CAMSAP1: variants seen among roughly 807,000 people sequenced by gnomAD.
CAMSAP1 encodes calmodulin-regulated spectrin-associated protein 1.
Under a neutral mutation model 143.5 loss-of-function variants are expected in CAMSAP1, and 58 were observed. That is an observed-to-expected ratio of 0.40 (90% confidence interval 0.33 to 0.50). The LOEUF (loss-of-function observed/expected upper bound fraction) is 0.50, where lower values mean the gene tolerates loss of function less well. Ranked by LOEUF, CAMSAP1 falls within the 20% of genes least tolerant of loss-of-function variation. The probability of loss-of-function intolerance (pLI) is 0.45; values close to 1 mark genes in which losing one functional copy is unlikely to be tolerated. For synonymous variants in CAMSAP1, 945 were observed against 859.3 expected (o/e 1.10, Z -1.74); for missense variants, 1,969 against 2,115.7 (o/e 0.93, Z 1.36).
In CAMSAP1 at chr9:135,898,598, G is replaced by A. The variant is rs572718809; in HGVS notation, c.160+8402C>T. Among the ~76,000 whole-genome samples the A allele has an allele frequency of 1.6e-4, 25 of 152,140 alleles. No homozygotes were observed. In the East Asian group the frequency reaches 3.1e-3, roughly 19 times the overall value. On this transcript the variant is annotated intron_variant, in intron 1 of 16. Transcript: ENST00000389532. ...AGATACTTCATAGAAAAAGGTACTCGAATGGCCAATAAGCATATAAAAATG... is the reference window on the plus strand; with the variant it reads ...AGATACTTCATAGAAAAAGGTACTCAAATGGCCAATAAGCATATAAAAATG...
chr9:135,827,542 G>C lies in CAMSAP1; in HGVS notation c.1088C>G (p.Pro363Arg), dbSNP rs148770698. ...LHQKSSRPPV[P>R]ISNATKRSFL... Reference sequence around the variant, plus strand: ...ACTGCGTTTGGTCGCGTTGGAGATCGGTACAGGAGGCCGGCTGCTCTTCTG... The same window carrying C: ...ACTGCGTTTGGTCGCGTTGGAGATCCGTACAGGAGGCCGGCTGCTCTTCTG... Residue 363 changes from proline (P) to arginine (R), a missense_variant, in exon 8 of 17, where the codon CCG (proline) becomes CGG (arginine). By Grantham distance (103) the Pro-to-Arg change is moderately radical. Transcript: ENST00000389532. 2.5e-6 allele frequency: 4 copies of C among 1,606,918 alleles called. No individual in the cohort carries two copies. In the Admixed American group the frequency reaches 5.0e-5, roughly 20 times the overall value.
chr9:135,853,981 C>T (rs975796554), intron 5 of CAMSAP1, among the ~76,000 whole-genome samples: 13 of 152,264 alleles, frequency 8.5e-5, no homozygotes, highest in African/African-American at 2.4e-4. Context: ...TAATATTTTA[C>T]ATAGGATTTT....
intron 5 of CAMSAP1, among the ~76,000 whole-genome samples, chr9:135,851,031 T>C (rs1273301539): frequency 3.3e-5 from 5 of 152,154 alleles, no homozygotes; most frequent in East Asian, 1.9e-4. Context: ...CAACTTTCCA[T>C]TGCACGTGAC....
intron 5 of CAMSAP1, among the ~76,000 whole-genome samples, chr9:135,857,595 C>G (rs745682193): frequency 1.3e-5 from 2 of 152,226 alleles, no homozygotes; most frequent in Non-Finnish European, 2.9e-5. Flanking sequence ...TCCTGCTCAC[C>G]TGCACCATCT....
intron 3 of CAMSAP1, 39 bp from the exon 4 acceptor site, chr9:135,866,575 G>T: frequency 1.1e-6 from 1 of 942,486 alleles, no homozygotes; most frequent in Non-Finnish European, 1.7e-6. Context: ...GGTAATTGCT[G>T]TCCCGCACAA....
rs1378931025 is a variant in CAMSAP1 at position 135,808,775 on chromosome 9, A to G, written c.*2534T>C. The G allele has an allele frequency of 2.0e-5, 3 of 152,258 alleles. No homozygotes were observed. The highest frequency in any genetic ancestry group is 4.4e-5 in the Non-Finnish European group (3 of 68,042). 9.4% of individuals were successfully genotyped at this position (152,258 alleles called of 1,614,324 possible). Reference sequence around the variant, plus strand: ...AGAACGTATCTGCACATACATGCGTAAAATAATGGGACTCACGCAAGTTTC... The same window carrying G: ...AGAACGTATCTGCACATACATGCGTGAAATAATGGGACTCACGCAAGTTTC... On this transcript the variant is annotated 3_prime_UTR_variant, in exon 17 of 17. Coordinates refer to ENST00000389532, the MANE Select transcript of CAMSAP1 (RefSeq NM_015447.4).
rs539511723 is a variant in CAMSAP1 at position 135,867,487 on chromosome 9, T to A, written c.586-951A>T. 2.8e-3 allele frequency among the ~76,000 whole-genome samples: 403 copies of A among 143,006 alleles called. 6 individuals are homozygous for A. The highest frequency in any genetic ancestry group is 0.01 in the African/African-American group (391 of 37,934). 93.8% of individuals were successfully genotyped at this position (143,006 alleles called of 152,430 possible). A position where few individuals can be genotyped will look rare whatever the true frequency, so the allele number is the denominator to read the frequency against. On this transcript the variant is annotated intron_variant, in intron 3 of 16. Transcript: ENST00000389532. ...CAGCAAGACCCCCCTCTTTTTTTTT[T>A]TTAAAAAAAAAGTCTGTAAAGCTAA...
chr9:135,886,857 C>T (rs1362136718), intron 1 of CAMSAP1, among the ~76,000 whole-genome samples: 1 of 152,202 alleles, frequency 6.6e-6, no homozygotes, highest in Non-Finnish European at 1.5e-5. Flanking sequence ...CAGGCCTGTG[C>T]CTGATGCAGT....
chr9:135,827,270 G>C (rs1328315197), intron 8 of CAMSAP1, 137 bp downstream of exon 8: 1 of 899,228 alleles, frequency 1.1e-6, no homozygotes, highest in Non-Finnish European at 1.6e-6. Context: ...CAGAAGGGCA[G>C]GGACAGAAGG....
chr9:135,822,766 G>A lies in CAMSAP1; in HGVS notation c.1895C>T (p.Pro632Leu), dbSNP rs142161944. 110 of 1,613,726 alleles carry A rather than the reference G, an allele frequency of 6.8e-5. No homozygotes were observed. In the African/African-American group the frequency reaches 1.1e-3, roughly 16 times the overall value. The change falls in exon 11 of 17, where the codon CCC becomes CTC. Residue 632 changes from proline (P) to leucine (L), a missense_variant. Coordinates refer to ENST00000389532, the MANE Select transcript of CAMSAP1 (RefSeq NM_015447.4). This position sits in a 1 kb window ranked among gnomAD's most constrained non-coding sequence, Gnocchi z 6.1. The part of the protein sequence containing the change: ...SIVSRRPSEG[P>L]QPLVRRKMTG... Reference sequence around the variant, plus strand: ...CATTTTCCTTCGTACCAAAGGCTGGGGGCCCTCGCTGGGCCTCCTAGACAC... The same window carrying A: ...CATTTTCCTTCGTACCAAAGGCTGGAGGCCCTCGCTGGGCCTCCTAGACAC...
intron 7 of CAMSAP1, among the ~76,000 whole-genome samples, chr9:135,832,639 C>A (rs1564427904): frequency 6.6e-6 from 1 of 152,094 alleles, no homozygotes; most frequent in African/African-American, 2.4e-5. Context: ...ATAGAAAATC[C>A]TAAAGGCTCC....
chr9:135,818,652 C>A lies in CAMSAP1; in HGVS notation c.3960-36G>T. On this transcript the variant is annotated intron_variant, in intron 12 of 16. Transcript: ENST00000389532. The surrounding 1 kb of genome is among the most constrained non-coding windows in gnomAD (Gnocchi z 7.7). ...CACACGCCCAGACACTGCTCGGTCA[C>A]GGGGCTTCTTCCACGACGCCTGCGC... The A allele has an allele frequency of 6.2e-7, 1 of 1,601,410 alleles. No individual in the cohort carries two copies. Among genetic ancestry groups the A allele is most frequent in the Non-Finnish European group, 8.5e-7 (1 of 1,172,396 alleles).
Position 135,818,126 on chromosome 9 carries a change from G to A in CAMSAP1, c.4169-47C>T. 6.4e-7 allele frequency: 1 copy of A among 1,574,702 alleles called. No individual in the cohort carries two copies. Among genetic ancestry groups the A allele is most frequent in the East Asian group, 2.3e-5 (1 of 44,422 alleles). On this transcript the variant is annotated intron_variant, in intron 13 of 16. Transcript: ENST00000389532. This position sits in a 1 kb window ranked among gnomAD's most constrained non-coding sequence, Gnocchi z 7.7. ...GACGGTTCATGAACGGATTCCGACA[G>A]ACAAGTACCTGTCCCCTGTACCTGT...
chr9:135,814,433 A>G (rs116549712), intron 16 of CAMSAP1, among the ~76,000 whole-genome samples: 2,094 of 152,258 alleles, frequency 0.014, 52 homozygotes, highest in African/African-American at 0.048. Context: ...ACCAGCCTCA[A>G]TCTGGGGCAG....
intron 3 of CAMSAP1, among the ~76,000 whole-genome samples, chr9:135,874,825 A>G (rs960291709): frequency 3.3e-4 from 51 of 152,256 alleles, no homozygotes; most frequent in Non-Finnish European, 1.9e-4. Flanking sequence ...GTCACAAAAT[A>G]TAAAGTTAAT....
Position 135,818,208 on chromosome 9 carries a change from CG to C in CAMSAP1, c.4169-130del. On this transcript the variant is annotated intron_variant, in intron 13 of 16. Coordinates refer to ENST00000389532, the MANE Select transcript of CAMSAP1 (RefSeq NM_015447.4). This position sits in a 1 kb window ranked among gnomAD's most constrained non-coding sequence, Gnocchi z 7.7. ...CACAGGCCGCGTCCCCACCCCATCCCGGGGAGCCGGGCTGCGCCTGGATGTG... is the reference window on the plus strand; with the variant it reads ...CACAGGCCGCGTCCCCACCCCATCCCGGGAGCCGGGCTGCGCCTGGATGTG... The C allele has an allele frequency of 8.6e-7, 1 of 1,165,700 alleles. No individual in the cohort carries two copies. Among genetic ancestry groups the C allele is most frequent in the East Asian group, 2.6e-5 (1 of 38,882 alleles). The allele number at this position is 1,165,700 out of a possible 1,614,324, so 72.2% of individuals were successfully genotyped here. A position where few individuals can be genotyped will look rare whatever the true frequency, so the allele number is the denominator to read the frequency against.
intron 10 of CAMSAP1, among the ~76,000 whole-genome samples, chr9:135,823,733 T>C (rs1835570456): frequency 6.6e-6 from 1 of 152,114 alleles, no homozygotes. Context: ...CCACACCACA[T>C]GGTATGCAGC....
rs2130987208 is a variant in CAMSAP1, at chr9:135,882,964, C to T, written c.275G>A (p.Cys92Tyr). The change falls in exon 2 of 17, where the codon TGC becomes TAC. Residue 92 changes from cysteine to tyrosine, a missense_variant. By Grantham distance (194) the Cys-to-Tyr change is radical (BLOSUM62 -2). Transcript: ENST00000389532. The surrounding 1 kb of genome is among the most constrained non-coding windows in gnomAD (Gnocchi z 4.9). Reference protein sequence around the residue: ...LLSSELYCRVCSLILKGDQVA... With the variant: ...LLSSELYCRVYSLILKGDQVA... ...CTGGTCCCCTTTCAGGATGAGGCTG[C>T]AGACACGGCAGTACAGCTCGCTGGA... The T allele has an allele frequency of 6.4e-7, 1 of 1,551,756 alleles. No individual in the cohort carries two copies. The highest frequency in any genetic ancestry group is 8.7e-7 in the Non-Finnish European group (1 of 1,147,010).
intron 3 of CAMSAP1, among the ~76,000 whole-genome samples, chr9:135,880,062 T>C (rs751582284): frequency 8.5e-5 from 13 of 152,182 alleles, no homozygotes; most frequent in Non-Finnish European, 1.6e-4. Flanking sequence ...TTTTATTCTT[T>C]TTGTTCATCC....
Sources: gnomAD v4.1 joint callset for allele counts (sites outside exome capture counted in the v4.1 genomes callset) on GRCh38, gnomAD v4.1.1 for gene constraint, Gnocchi (gnomAD v3.1) non-coding constraint, MANE v1.5 for transcripts, NCBI Gene and HGNC (gene_info 2026-07-23, HGNC 2026-07-21) for gene names.